Variants in KCNB2 observed in about 807,000 individuals in gnomAD.
KCNB2 encodes potassium voltage-gated channel subfamily B member 2, also known as delayed rectifier potassium channel protein.
A neutral mutation model predicts 61.5 loss-of-function variants in KCNB2; 15 were observed. That is an observed-to-expected ratio of 0.24 (90% CI 0.16 to 0.38). The LOEUF is 0.38. Among genes scored for constraint, KCNB2 ranks in the 10% least tolerant of loss-of-function variants. The probability of loss-of-function intolerance (pLI) is 1.00; values close to 1 mark genes in which losing one functional copy is unlikely to be tolerated. For missense variants in KCNB2, 828 were observed against 1,125.2 expected (o/e 0.74, Z 3.78); for synonymous variants, 457 against 446.0 (o/e 1.02, Z -0.31).
intron 2 of KCNB2, among the ~76,000 whole-genome samples, chr8:72,883,223 A>C (rs534508573): frequency 6.6e-6 from 1 of 152,346 alleles, no homozygotes; most frequent in South Asian, 2.1e-4. Flanking sequence ...TAAAAATAGG[A>C]AAGCCCTGAA....
intron 2 of KCNB2, among the ~76,000 whole-genome samples, chr8:72,636,271 T>C (rs1805964141): frequency 6.6e-6 from 1 of 152,180 alleles, no homozygotes; most frequent in Admixed American, 6.6e-5. Flanking sequence ...AGTCCAGCAA[T>C]AAATCGTCGC....
intron 1 of KCNB2, among the ~76,000 whole-genome samples, chr8:72,561,723 A>ATATGTG (rs1806522823): frequency 9.4e-5 from 3 of 31,798 alleles, no homozygotes; most frequent in African/African-American, 5.7e-4. Flanking sequence ...ATATATATAT[A>ATATGTG]TATATCTATA....
intron 2 of KCNB2, among the ~76,000 whole-genome samples, chr8:72,666,428 G>T (rs958215368): frequency 6.6e-6 from 1 of 152,050 alleles, no homozygotes; most frequent in African/African-American, 2.4e-5. Flanking sequence ...GAATAATAAT[G>T]GTCAATATCT....
intron 2 of KCNB2, among the ~76,000 whole-genome samples, chr8:72,703,506 A>G (rs994312762): frequency 2.0e-5 from 3 of 152,206 alleles, no homozygotes; most frequent in Non-Finnish European, 4.4e-5. Flanking sequence ...GTATACCTCT[A>G]CACTGACCAG....
chr8:72,609,193 C>T (rs1585782157), intron 2 of KCNB2, among the ~76,000 whole-genome samples: 1 of 152,136 alleles, frequency 6.6e-6, no homozygotes, highest in African/African-American at 2.4e-5. Context: ...AAGCTAGGAC[C>T]TTGGTCCATG....
At chr8:72,791,819 A>C (rs185251333) in intron 2 of KCNB2, among the ~76,000 whole-genome samples, 1 of 152,320 alleles carries the variant, frequency 6.6e-6, no homozygotes, top group African/African-American at 2.4e-5. Flanking sequence ...ACCTTTGCAA[A>C]GTAAAGAAAA....
At chr8:72,886,186 C>T (rs779590241) in intron 2 of KCNB2, among the ~76,000 whole-genome samples, 14 of 152,134 alleles carry the variant, frequency 9.2e-5, no homozygotes, top group African/African-American at 1.4e-4. Flanking sequence ...TTCACTTCAA[C>T]GGCAGCCTGT....
intron 2 of KCNB2, among the ~76,000 whole-genome samples, chr8:72,906,168 G>C (rs1472424163): frequency 2.0e-5 from 3 of 152,190 alleles, no homozygotes; most frequent in Non-Finnish European, 4.4e-5. Flanking sequence ...CTTTAGGGGA[G>C]GAAGAAATAC....
chr8:72,887,408 C>T (rs1447064281), intron 2 of KCNB2, among the ~76,000 whole-genome samples: 1 of 152,164 alleles, frequency 6.6e-6, no homozygotes, highest in Non-Finnish European at 1.5e-5. Flanking sequence ...AGTGTACCAA[C>T]CAGTTATACA....
chr8:72,801,836 AAAAAAAC>A lies in KCNB2; in HGVS notation c.580-134083_580-134077del, dbSNP rs199794319. 1.4e-3 allele frequency among the ~76,000 whole-genome samples: 210 copies of A among 152,220 alleles called. 3 individuals carry two copies. The East Asian group carries it at 0.036, about 26-fold the overall frequency. On this transcript the variant is annotated intron_variant, in intron 2 of 2. Transcript: ENST00000523207. ...GAGGGCTATGTGACAGAAAAAGAAA[AAAAAAAC>A]AAAAAACAAAAAACAGCAACCTGCC...
intron 2 of KCNB2, among the ~76,000 whole-genome samples, chr8:72,836,412 C>A (rs1190952146): frequency 6.6e-6 from 1 of 152,186 alleles, no homozygotes; most frequent in Admixed American, 6.5e-5. Flanking sequence ...CTGTGACATG[C>A]CTTTACTGGC....
At chr8:72,775,830 G>A (rs1441558108) in intron 2 of KCNB2, among the ~76,000 whole-genome samples, 1 of 152,126 alleles carries the variant, frequency 6.6e-6, no homozygotes, top group Admixed American at 6.6e-5. Context: ...AACCATTGTG[G>A]AAGACAGTGT....
chr8:72,709,268 A>C (rs189314909), intron 2 of KCNB2, among the ~76,000 whole-genome samples: 2 of 152,274 alleles, frequency 1.3e-5, no homozygotes, highest in Non-Finnish European at 2.9e-5. Flanking sequence ...GAAACAAAAA[A>C]TTTTTAAATT....
intron 2 of KCNB2, among the ~76,000 whole-genome samples, chr8:72,668,346 A>C: frequency 6.6e-6 from 1 of 152,190 alleles, no homozygotes; most frequent in East Asian, 1.9e-4. Flanking sequence ...TCCCCACCAT[A>C]AATCACATTA....
chr8:72,703,572 G>A (rs1452644333), intron 2 of KCNB2, among the ~76,000 whole-genome samples: 6 of 152,186 alleles, frequency 3.9e-5, no homozygotes. Context: ...TTCAGCCTCA[G>A]ACAGTTCCCA....
At chr8:72,626,717 A>G (rs1412061936) in intron 2 of KCNB2, among the ~76,000 whole-genome samples, 1 of 152,248 alleles carries the variant, frequency 6.6e-6, no homozygotes. Context: ...TTACAATTTT[A>G]ATTCAGGCAG....
At chr8:72,793,414 AAGG>A (rs1808977791) in intron 2 of KCNB2, among the ~76,000 whole-genome samples, 1 of 152,160 alleles carries the variant, frequency 6.6e-6, no homozygotes, top group South Asian at 2.1e-4. Flanking sequence ...GTGAAAATCT[AAGG>A]AGAACACATT....
At chr8:72,679,747 C>T (rs1226934907) in intron 2 of KCNB2, among the ~76,000 whole-genome samples, 2 of 152,160 alleles carry the variant, frequency 1.3e-5, no homozygotes, top group East Asian at 3.9e-4. Context: ...TGAGACCTGG[C>T]ATCAGTCTAA....
At chr8:72,912,972 A>C (rs370467394) in intron 2 of KCNB2, among the ~76,000 whole-genome samples, 70 of 152,256 alleles carry the variant, frequency 4.6e-4, no homozygotes, top group African/African-American at 1.6e-3. Context: ...TGCACCTCTG[A>C]TCTGTGTGAG....
Sources: gnomAD v4.1 joint callset for allele counts (sites outside exome capture counted in the v4.1 genomes callset) on GRCh38, gnomAD v4.1.1 for gene constraint, MANE v1.5 for transcripts, NCBI Gene and HGNC (gene_info 2026-07-23, HGNC 2026-07-21) for gene names.